PAPPA: variants seen among roughly 807,000 people sequenced by gnomAD.
PAPPA encodes the protein pappalysin-1.
Under a neutral mutation model 164.0 loss-of-function variants are expected in PAPPA, and 60 were observed. The observed-to-expected ratio is 0.37, with a 90% CI of 0.30 to 0.45. The LOEUF (loss-of-function observed/expected upper bound fraction) is 0.45. Ranked by LOEUF, PAPPA falls within the 20% of genes least tolerant of loss-of-function variation. The pLI is 1.00. For missense variants in PAPPA, 1,782 were observed against 2,087.3 expected (o/e 0.85, Z 2.85); for synonymous variants, 875 against 814.1 (o/e 1.07, Z -1.27).
At chr9:116,266,657 A>G (rs1051685514) in intron 8 of PAPPA, among the ~76,000 whole-genome samples, 5 of 152,208 alleles carry the variant, frequency 3.3e-5, no homozygotes, top group African/African-American at 7.2e-5. Context: ...TTCTCAGGAC[A>G]AGATGCTATG....
At chr9:116,234,202 T>A (rs532928256) in intron 6 of PAPPA, among the ~76,000 whole-genome samples, 2 of 152,256 alleles carry the variant, frequency 1.3e-5, no homozygotes, top group South Asian at 2.1e-4. Flanking sequence ...GGAGTCTAGA[T>A]GTGATCTCAG....
At chr9:116,388,697 A>T (rs1846849135) in intron 21 of PAPPA, among the ~76,000 whole-genome samples, 1 of 152,204 alleles carries the variant, frequency 6.6e-6, no homozygotes, top group Non-Finnish European at 1.5e-5. Flanking sequence ...GACTCTTCAC[A>T]TGGCTTCCTG....
In PAPPA at chr9:116,335,036, C is replaced by G; in HGVS notation, c.3573C>G (p.Ser1191Arg). 1 of 1,613,710 alleles carries G rather than the reference C, an allele frequency of 6.2e-7. No individual in the cohort carries two copies. The highest frequency in any genetic ancestry group is 8.5e-7 in the Non-Finnish European group (1 of 1,179,980). ...FDNFDPVTLS[S>R]CQRGETYSPA... is the part of the protein sequence containing the mutation. ...ACTTTGACCCCGTCACCCTGAGCAGCTGCCAGAGAGGGGAGACCTACAGCC... is the reference window on the plus strand; with the variant it reads ...ACTTTGACCCCGTCACCCTGAGCAGGTGCCAGAGAGGGGAGACCTACAGCC... Residue 1191 changes from serine (S) to arginine (R), a missense_variant, in exon 13 of 22, where the codon AGC (serine) becomes AGG (arginine). By Grantham distance (110) the Ser-to-Arg change is moderately radical (BLOSUM62 -1). This residue lies in a region of PAPPA where 1,324 missense variants were observed against 1,656.9 expected (regional missense o/e 0.80). Transcript: ENST00000328252.
intron 10 of PAPPA, among the ~76,000 whole-genome samples, chr9:116,312,975 C>T (rs756106902): frequency 1.3e-4 from 20 of 149,214 alleles, no homozygotes; most frequent in Non-Finnish European, 2.1e-4. Context: ...CCCAGCTACT[C>T]GGGAGGCTGA....
chr9:116,367,613 C>T, intron 18 of PAPPA, 32 bp from the exon 19 acceptor site: 2 of 1,541,428 alleles, frequency 1.3e-6, no homozygotes, highest in South Asian at 1.1e-5. Context: ...GGTCTCGGGC[C>T]TGAGCTGCGC....
intron 2 of PAPPA, among the ~76,000 whole-genome samples, chr9:116,195,223 T>C (rs1844089627): frequency 6.6e-6 from 1 of 152,178 alleles, no homozygotes; most frequent in South Asian, 2.1e-4. Context: ...TTTTCTCTGA[T>C]TCAGTCTGGG....
At chr9:116,250,534 T>A (rs997835813) in intron 7 of PAPPA, among the ~76,000 whole-genome samples, 2 of 152,218 alleles carry the variant, frequency 1.3e-5, no homozygotes, top group African/African-American at 4.8e-5. Context: ...ATATTCAAAG[T>A]CATCCAGCTC....
intron 12 of PAPPA, among the ~76,000 whole-genome samples, chr9:116,332,998 G>C (rs1402856513): frequency 6.6e-6 from 1 of 152,206 alleles, no homozygotes; most frequent in Non-Finnish European, 1.5e-5. Flanking sequence ...TAGGAATATT[G>C]TAGGAGTAGG....
Position 116,352,794 on chromosome 9 carries a change from T to C in PAPPA, c.4053T>C (p.Pro1351=), listed in dbSNP as rs763181584. 1 of 1,613,984 alleles carries C rather than the reference T, an allele frequency of 6.2e-7. No homozygotes were observed. The highest frequency in any genetic ancestry group is 8.5e-7 in the Non-Finnish European group (1 of 1,179,954). The change falls in exon 16 of 22, where the codon CCT becomes CCC. Residue 1351 remains proline, a synonymous_variant. Transcript: ENST00000328252. Reference sequence around the variant, plus strand: ...AGCTCATGTGCCTCGCTCCACCCCCTGTGCCCAATGCAGACCTCCAGACCG... The same window carrying C: ...AGCTCATGTGCCTCGCTCCACCCCCCGTGCCCAATGCAGACCTCCAGACCG... The part of the protein sequence containing the change: ...LCELMCLAPP[P]VPNADLQTAR...
chr9:116,390,521 T>C (rs1225983212), intron 21 of PAPPA, among the ~76,000 whole-genome samples: 2 of 152,030 alleles, frequency 1.3e-5, no homozygotes, highest in African/African-American at 4.8e-5. Context: ...TCAGGAGGAT[T>C]TGAAGCACTG....
At chr9:116,319,713 G>A (rs1013776587) in intron 10 of PAPPA, among the ~76,000 whole-genome samples, 4 of 152,198 alleles carry the variant, frequency 2.6e-5, no homozygotes, top group Admixed American at 2.0e-4. Context: ...ATAGGAGATA[G>A]AACTGAAGTA....
At chr9:116,244,316 T>G (rs1382728776) in intron 7 of PAPPA, among the ~76,000 whole-genome samples, 1 of 152,224 alleles carries the variant, frequency 6.6e-6, no homozygotes, top group Non-Finnish European at 1.5e-5. Flanking sequence ...TGAACCATTA[T>G]AGGTTCTCTT....
chr9:116,364,033 G>A (rs561526682), intron 18 of PAPPA, among the ~76,000 whole-genome samples: 1 of 152,194 alleles, frequency 6.6e-6, no homozygotes, highest in Non-Finnish European at 1.5e-5. Context: ...ATGCTGACCA[G>A]GAGTGTTGCA....
rs559097389 is a variant in PAPPA, at chr9:116,253,896, T to C, written c.2733-11961T>C. Reference sequence around the variant, plus strand: ...ATTTATTCCATCCTACAGGGAATATTTGGTCTCTTTGCCTTCAGGTACTGC... The same window carrying C: ...ATTTATTCCATCCTACAGGGAATATCTGGTCTCTTTGCCTTCAGGTACTGC... On this transcript the variant is annotated intron_variant, in intron 7 of 21. Coordinates refer to ENST00000328252, the MANE Select transcript of PAPPA (RefSeq NM_002581.5). Among the ~76,000 whole-genome samples the C allele has an allele frequency of 5.3e-5, 8 of 152,300 alleles. No homozygotes were observed. In the South Asian group the frequency reaches 1.7e-3, roughly 32 times the overall value.
Position 116,334,970 on chromosome 9 carries a change from C to G in PAPPA, c.3507C>G (p.Pro1169=). Reference sequence around the variant, plus strand: ...CGGTACGTGTGAGCTTCAGTTCGCCCCTGGTCGCCATCTCGGGGGTGGCCC... The same window carrying G: ...CGGTACGTGTGAGCTTCAGTTCGCCGCTGGTCGCCATCTCGGGGGTGGCCC... ...SQAVRVSFSS[P]LVAISGVALR... Residue 1169 remains proline (P), a synonymous_variant, in exon 13 of 22, where the codon CCC becomes CCG. Coordinates refer to ENST00000328252, the MANE Select transcript of PAPPA (RefSeq NM_002581.5). The G allele has an allele frequency of 6.2e-7, 1 of 1,613,936 alleles. No individual in the cohort carries two copies. Among genetic ancestry groups the G allele is most frequent in the African/African-American group, 1.3e-5 (1 of 74,970 alleles).
At chr9:116,286,767 C>T (rs1457054552) in intron 9 of PAPPA, 3 of 152,194 alleles carry the variant, frequency 2.0e-5, no homozygotes, top group Admixed American at 1.3e-4. Flanking sequence ...AACTCCTCAT[C>T]TTTTACTTTA....
intron 1 of PAPPA, among the ~76,000 whole-genome samples, chr9:116,177,778 C>A (rs1041578439): frequency 1.3e-5 from 2 of 152,164 alleles, no homozygotes; most frequent in Admixed American, 6.5e-5. Flanking sequence ...CTCCTTAGTC[C>A]ACCAGGATCT....
At position 116,396,642 on chromosome 9, in the gene PAPPA, T is replaced by C. The variant is rs1283756822; in HGVS notation, c.*26T>C. 1 of 778,502 alleles carries C rather than the reference T, an allele frequency of 1.3e-6. No individual in the cohort carries two copies. Among genetic ancestry groups the C allele is most frequent in the Non-Finnish European group, 2.4e-6 (1 of 416,730 alleles). The allele number at this position is 778,502 out of a possible 1,614,324, so 48.2% of individuals were successfully genotyped here. On this transcript the variant is annotated 3_prime_UTR_variant, in exon 22 of 22. Coordinates refer to ENST00000328252, the MANE Select transcript of PAPPA (RefSeq NM_002581.5). ...GGAAGGACAAGAAGTTGTCAAAGAA[T>C]TCCCAACGCCAGGACCCACATCCCT...
rs143937229 is a variant in PAPPA, at chr9:116,349,714, G to A, written c.3964+2505G>A. ...TTACCCACATTTGTAGACAGGCTGG[G>A]CAGGATGTATTTTTCTGCATTAAAA... is the stretch of plus-strand genomic sequence containing the variant. On this transcript the variant is annotated intron_variant, in intron 15 of 21. Transcript: ENST00000328252. Among the ~76,000 whole-genome samples, 1,115 of 152,308 alleles carry A rather than the reference G, an allele frequency of 7.3e-3. 6 individuals are homozygous for A. The highest frequency in any genetic ancestry group is 0.011 in the Non-Finnish European group (717 of 68,032).
Sources: gnomAD v4.1 joint callset for allele counts (sites outside exome capture counted in the v4.1 genomes callset) on GRCh38, gnomAD v4.1.1 for gene constraint, gnomAD v4.1.1 regional missense constraint, MANE v1.5 for transcripts, NCBI Gene and HGNC (gene_info 2026-07-23, HGNC 2026-07-21) for gene names.